HDAC9: variants seen among roughly 807,000 people sequenced by gnomAD.
The protein encoded by HDAC9 is histone deacetylase 9, also known as MEF-2 interacting transcription repressor (MITR) protein.
A neutral mutation model predicts 139.4 loss-of-function variants in HDAC9; 41 were observed. That is an observed-to-expected ratio of 0.29 (90% CI 0.23 to 0.38). HDAC9 has a LOEUF of 0.38. HDAC9 is among the 10% of genes least tolerant of loss of function. The probability of loss-of-function intolerance (pLI) is 1.00; values close to 1 mark genes in which losing one functional copy is unlikely to be tolerated. For missense variants in HDAC9, 1,147 were observed against 1,297.0 expected (o/e 0.88, Z 1.78); for synonymous variants, 517 against 476.2 (o/e 1.09, Z -1.12).
At chr7:18,387,164 T>G (rs1786014868) in intron 1 of HDAC9, among the ~76,000 whole-genome samples, 3 of 152,304 alleles carry the variant, frequency 2.0e-5, no homozygotes, top group Admixed American at 2.0e-4. Context: ...AAGCTCCCAT[T>G]TTTATAAGTT....
intron 9 of HDAC9, among the ~76,000 whole-genome samples, chr7:18,647,556 T>A (rs1056896284): frequency 1.3e-5 from 2 of 152,180 alleles, no homozygotes; most frequent in African/African-American, 4.8e-5. Flanking sequence ...CCTTTTTATG[T>A]TCAATACAAT....
At chr7:18,869,147 G>GGGGTGTGTGTGTGT (rs869054896) in intron 21 of HDAC9, among the ~76,000 whole-genome samples, 3 of 138,128 alleles carry the variant, frequency 2.2e-5, no homozygotes, top group African/African-American at 8.3e-5. Context: ...TCACAATTGG[G>GGGGTGTGTGTGTGT]GTGTGTGTGT....
intron 2 of HDAC9, among the ~76,000 whole-genome samples, chr7:18,202,549 G>A (rs1321032625): frequency 6.6e-6 from 1 of 152,140 alleles, no homozygotes; most frequent in African/African-American, 2.4e-5. Context: ...TTAGTAGGTT[G>A]AGGGCCATTT....
rs570901574 is a variant in HDAC9, at chr7:18,630,655, C to A, written c.796+1174C>A. Among the ~76,000 whole-genome samples the A allele has an allele frequency of 1.4e-3, 209 of 152,034 alleles. 1 individual carries two copies. The highest frequency in any genetic ancestry group is 3.4e-3 in the Middle Eastern group (1 of 294). On this transcript the variant is annotated intron_variant, in intron 7 of 25. Transcript: ENST00000686413. ...AAATATTAAATCTGAATAATAAATA[C>A]AATTATTTTACTAGAGTTTATATGT...
At chr7:18,456,247 AT>A (rs1474125409) in intron 1 of HDAC9, among the ~76,000 whole-genome samples, 1 of 151,922 alleles carries the variant, frequency 6.6e-6, no homozygotes, top group Admixed American at 6.6e-5. Context: ...TGGTTGGTTG[AT>A]TTTTTTGAGA....
At chr7:18,433,655 G>T (rs1790894660) in intron 1 of HDAC9, among the ~76,000 whole-genome samples, 1 of 152,028 alleles carries the variant, frequency 6.6e-6, no homozygotes, top group African/African-American at 2.4e-5. Flanking sequence ...CAAGATCTCA[G>T]TCCCATTCAC....
At chr7:18,315,182 C>A (rs1799557319) in intron 1 of HDAC9, among the ~76,000 whole-genome samples, 1 of 152,064 alleles carries the variant, frequency 6.6e-6, no homozygotes, top group Non-Finnish European at 1.5e-5. Context: ...TAAGAATAAA[C>A]CAACTTTTAT....
intron 22 of HDAC9, among the ~76,000 whole-genome samples, chr7:18,903,454 CTT>C (rs1801915682): frequency 6.6e-6 from 1 of 152,216 alleles, no homozygotes; most frequent in Admixed American, 6.5e-5. Context: ...TATCCTTCCT[CTT>C]GTCAATCTTT....
chr7:18,990,055 A>G (rs1418680993), intron 25 of HDAC9, among the ~76,000 whole-genome samples: 2 of 152,112 alleles, frequency 1.3e-5, no homozygotes, highest in South Asian at 2.1e-4. Flanking sequence ...CTCTCAGCTC[A>G]TCAAAGTCAT....
chr7:18,869,623 C>G (rs1195869817), intron 21 of HDAC9, among the ~76,000 whole-genome samples: 2 of 152,180 alleles, frequency 1.3e-5, no homozygotes, highest in Non-Finnish European at 2.9e-5. Context: ...GGGATCTACA[C>G]TATCTCCAGG....
chr7:18,683,139 G>T (rs140628469), intron 12 of HDAC9, among the ~76,000 whole-genome samples: 1 of 152,022 alleles, frequency 6.6e-6, no homozygotes, highest in African/African-American at 2.4e-5. Context: ...AATAACAATA[G>T]TGAAAGTAAT....
chr7:18,621,645 G>A (rs1285472025), intron 6 of HDAC9, among the ~76,000 whole-genome samples: 2 of 152,050 alleles, frequency 1.3e-5, no homozygotes, highest in Non-Finnish European at 2.9e-5. Context: ...ATTACATACT[G>A]TTAAGTGGTT....
intron 1 of HDAC9, among the ~76,000 whole-genome samples, chr7:18,306,586 A>C (rs1385922012): frequency 6.6e-6 from 1 of 152,160 alleles, no homozygotes; most frequent in African/African-American, 2.4e-5. Context: ...CCTTCTACAC[A>C]TACTTTTGGT....
At chr7:18,750,003 A>G (rs1788304203) in intron 14 of HDAC9, among the ~76,000 whole-genome samples, 1 of 152,312 alleles carries the variant, frequency 6.6e-6, no homozygotes, top group East Asian at 1.9e-4. Flanking sequence ...CACAAGACAA[A>G]TATGGTCCCA....
rs1796986578 is a variant in HDAC9 at position 18,496,506 on chromosome 7, C to T, written c.22+182C>T. 12 of 595,780 alleles carry T rather than the reference C, an allele frequency of 2.0e-5. No individual in the cohort carries two copies. In the South Asian group the frequency reaches 2.4e-4, roughly 12 times the overall value. The allele number at this position is 595,780 out of a possible 1,614,324, so 36.9% of individuals were successfully genotyped here. A position where few individuals can be genotyped will look rare whatever the true frequency, so the allele number is the denominator to read the frequency against. On this transcript the variant is annotated intron_variant, in intron 2 of 25. Transcript: ENST00000686413. ...TTCCATTACTGTTTCTGTGCATATTCAGTCTGCTTAGGGACAGCAGCTTCT... is the reference window on the plus strand; with the variant it reads ...TTCCATTACTGTTTCTGTGCATATTTAGTCTGCTTAGGGACAGCAGCTTCT...
chr7:18,768,466 G>A (rs1007447233), intron 16 of HDAC9, among the ~76,000 whole-genome samples: 2 of 152,156 alleles, frequency 1.3e-5, no homozygotes, highest in African/African-American at 4.8e-5. Flanking sequence ...ACCAGCATGG[G>A]ACAGTCATCA....
At chr7:18,733,157 A>G (rs892333593) in intron 13 of HDAC9, among the ~76,000 whole-genome samples, 1 of 147,418 alleles carries the variant, frequency 6.8e-6, no homozygotes, top group Non-Finnish European at 1.5e-5. Flanking sequence ...ACATATATAC[A>G]CGTGTATACA....
chr7:18,769,384 G>T (rs561417799), intron 16 of HDAC9, among the ~76,000 whole-genome samples: 5 of 152,202 alleles, frequency 3.3e-5, no homozygotes, highest in African/African-American at 1.2e-4. Flanking sequence ...TAAGTCCTTA[G>T]TAATGTCCCT....
At position 18,554,245 on chromosome 7, in the gene HDAC9, C is replaced by CA. The variant is rs533910201; in HGVS notation, c.23-31035dup. On this transcript the variant is annotated intron_variant, in intron 2 of 25. Transcript: ENST00000686413. ...TCGAAACTATGTTAAAGGAATGATG[C>CA]ATACCATAAAAGCGAAGAAAAGACA... 3.5e-4 allele frequency among the ~76,000 whole-genome samples: 53 copies of CA among 149,972 alleles called. No homozygotes were observed. In the South Asian group the frequency reaches 0.011, roughly 32 times the overall value.
Sources: gnomAD v4.1 joint callset for allele counts (sites outside exome capture counted in the v4.1 genomes callset) on GRCh38, gnomAD v4.1.1 for gene constraint, MANE v1.5 for transcripts, NCBI Gene and HGNC (gene_info 2026-07-23, HGNC 2026-07-21) for gene names.